Variants in SV2C observed in about 807,000 individuals in gnomAD.
The protein encoded by SV2C is synaptic vesicle glycoprotein 2C.
SV2C carries 49 observed loss-of-function variants against 79.7 expected under a neutral mutation model. That is an observed-to-expected ratio of 0.61 (90% CI 0.49 to 0.78). The LOEUF (loss-of-function observed/expected upper bound fraction) is 0.78, where lower values mean the gene tolerates loss of function less well. Ranked by LOEUF, SV2C falls within the 30% of genes least tolerant of loss-of-function variation. SV2C has a pLI of 0.00. For missense variants in SV2C, 833 were observed against 912.9 expected (o/e 0.91, Z 1.13); for synonymous variants, 334 against 333.2 (o/e 1.00, Z -0.03).
the SV2C span, chr5:75,910,535 A>T: frequency 3.1e-6 from 2 of 642,678 alleles, no homozygotes; most frequent in Non-Finnish European, 5.7e-6. Flanking sequence ...GCTTTGTTCA[A>T]ATTGTTCACC....
chr5:75,932,097 G>A, the SV2C span, among the ~76,000 whole-genome samples: 10 of 152,196 alleles, frequency 6.6e-5, no homozygotes, highest in Non-Finnish European at 1.2e-4. Context: ...TGGCTATGGT[G>A]AACACAGTGA....
chr5:75,960,671 A>G, the SV2C span, among the ~76,000 whole-genome samples: 2 of 152,102 alleles, frequency 1.3e-5, no homozygotes, highest in African/African-American at 4.8e-5. Flanking sequence ...GTGTAAGTAT[A>G]TTCTATGATG....
the SV2C span, among the ~76,000 whole-genome samples, chr5:76,037,161 A>C: frequency 2.0e-4 from 31 of 152,132 alleles, no homozygotes; most frequent in African/African-American, 7.5e-4. Context: ...TTTTTTTCAA[A>C]GTTTTCAACT....
chr5:75,923,077 C>A, the SV2C span, among the ~76,000 whole-genome samples: 2 of 152,030 alleles, frequency 1.3e-5, no homozygotes, highest in African/African-American at 4.8e-5. Context: ...GGCATGTAGA[C>A]CAATAGAACC....
chr5:76,246,778 C>A (rs1371774404), intron 4 of SV2C, among the ~76,000 whole-genome samples: 1 of 152,128 alleles, frequency 6.6e-6, no homozygotes, highest in Non-Finnish European at 1.5e-5. Flanking sequence ...CTCAGTGTCC[C>A]CACCTCTGTC....
chr5:76,100,772 G>A (rs945495155), intron 1 of SV2C, among the ~76,000 whole-genome samples: 2 of 152,174 alleles, frequency 1.3e-5, no homozygotes, highest in Non-Finnish European at 2.9e-5. Flanking sequence ...TTTGCTCGAG[G>A]TAGGGTTTCT....
chr5:75,956,401 T>TG, the SV2C span, among the ~76,000 whole-genome samples: 1 of 65,300 alleles, frequency 1.5e-5, no homozygotes, highest in Non-Finnish European at 2.7e-5. Context: ...TGTTGTGGGG[T>TG]GGGGGGAGGG....
intron 4 of SV2C, among the ~76,000 whole-genome samples, chr5:76,265,669 G>C (rs1307605489): frequency 6.6e-6 from 1 of 152,104 alleles, no homozygotes; most frequent in Non-Finnish European, 1.5e-5. Context: ...CGTAGTATCT[G>C]GGCTGGATAG....
the SV2C span, among the ~76,000 whole-genome samples, chr5:75,974,656 C>T: frequency 6.6e-6 from 1 of 152,142 alleles, no homozygotes; most frequent in Admixed American, 6.5e-5. Flanking sequence ...AAGAGCTGTG[C>T]TTTCACCTTT....
At chr5:75,955,737 A>G in the SV2C span, among the ~76,000 whole-genome samples, 8 of 149,890 alleles carry the variant, frequency 5.3e-5, no homozygotes, top group Admixed American at 5.3e-4. Flanking sequence ...TGGGTGAAAG[A>G]CATGAACAGA....
chr5:76,096,630 A>T (rs893473908), intron 1 of SV2C, among the ~76,000 whole-genome samples: 1 of 152,134 alleles, frequency 6.6e-6, no homozygotes, highest in Non-Finnish European at 1.5e-5. Flanking sequence ...ATGCCTTGTG[A>T]TGATTAGTTT....
the SV2C span, among the ~76,000 whole-genome samples, chr5:76,041,130 G>C: frequency 2.0e-5 from 3 of 152,150 alleles, no homozygotes; most frequent in African/African-American, 7.2e-5. Flanking sequence ...TGGGGCTTGA[G>C]CAAGAATACA....
chr5:76,253,924 C>T (rs1385498634), intron 4 of SV2C, among the ~76,000 whole-genome samples: 2 of 152,060 alleles, frequency 1.3e-5, no homozygotes, highest in Non-Finnish European at 1.5e-5. Flanking sequence ...CTGCTGCAGA[C>T]TATTCTCACT....
intron 1 of SV2C, among the ~76,000 whole-genome samples, chr5:76,116,466 C>A (rs115606973): frequency 1.3e-5 from 2 of 152,270 alleles, no homozygotes; most frequent in Non-Finnish European, 1.5e-5. Context: ...GGAAGTCCCC[C>A]CTCTGCCTTC....
chr5:75,876,302 G>A, the SV2C span, among the ~76,000 whole-genome samples: 33 of 152,196 alleles, frequency 2.2e-4, no homozygotes, highest in African/African-American at 7.9e-4. Context: ...ATTATCCTTA[G>A]CAAACTAATG....
In SV2C at chr5:76,300,935, A is replaced by T; in HGVS notation, c.1840+3A>T. On this transcript the variant is annotated splice_donor_region_variant and intron_variant, in intron 11 of 12. Coordinates refer to ENST00000502798, the MANE Select transcript of SV2C (RefSeq NM_014979.4). The stretch of plus-strand genomic sequence containing the variant: ...AATTGGGCGCTTAACAATGCTAGGT[A>T]TGTACTCAGTTTCATGTCAAATAAA... The T allele has an allele frequency of 6.2e-7, 1 of 1,614,028 alleles. No individual in the cohort carries two copies. Among genetic ancestry groups the T allele is most frequent in the Non-Finnish European group, 8.5e-7 (1 of 1,179,922 alleles).
chr5:75,849,728 T>C, the SV2C span, among the ~76,000 whole-genome samples: 3 of 152,204 alleles, frequency 2.0e-5, no homozygotes, highest in African/African-American at 7.2e-5. Context: ...GAAGAAAGTG[T>C]TAAAAGATTT....
chr5:76,155,958 A>ATC (rs1354063351), intron 2 of SV2C, among the ~76,000 whole-genome samples: 1 of 151,332 alleles, frequency 6.6e-6, no homozygotes, highest in Non-Finnish European at 1.5e-5. Context: ...AAAAAAAAAA[A>ATC]AAAAAAAAAA....
At chr5:75,992,992 T>G in the SV2C span, among the ~76,000 whole-genome samples, 1 of 151,980 alleles carries the variant, frequency 6.6e-6, no homozygotes, top group African/African-American at 2.4e-5. Flanking sequence ...GATAAAACCT[T>G]GGGAGCTAAT....
Sources: allele counts gnomAD v4.1 joint callset (sites outside exome capture counted in the v4.1 genomes callset), GRCh38; gene constraint gnomAD v4.1.1; transcripts MANE v1.5; gene names NCBI Gene and HGNC (gene_info 2026-07-23, HGNC 2026-07-21).